The following SERPINB8 variants were observed in gnomAD, a reference collection of about 807,000 sequenced individuals.
The protein encoded by SERPINB8 is serpin B8.
In SERPINB8, 25 loss-of-function variants were observed where a neutral mutation model predicts 35.3. The observed-to-expected ratio is 0.71, with a 90% CI of 0.52 to 0.99. The LOEUF (loss-of-function observed/expected upper bound fraction) is 0.99. Ranked by LOEUF, SERPINB8 falls within the 50% of genes least tolerant of loss-of-function variation. SERPINB8 has a pLI of 0.00. For missense variants in SERPINB8, 484 were observed against 446.5 expected (o/e 1.08, Z -0.76); for synonymous variants, 186 against 160.8 (o/e 1.16, Z -1.19).
At chr18:63,973,449 T>C (rs2050526352) in intron 1 of SERPINB8, among the ~76,000 whole-genome samples, 2 of 152,172 alleles carry the variant, frequency 1.3e-5, no homozygotes, top group South Asian at 4.1e-4. Context: ...GTTGCCTGTT[T>C]ACTCTGATGG....
chr18:64,007,867 A>G (rs2050907631), downstream of SERPINB8, among the ~76,000 whole-genome samples: 3 of 152,198 alleles, frequency 2.0e-5, no homozygotes, highest in Admixed American at 6.5e-5. Context: ...TTGGGCGGGA[A>G]CACAGACCCA....
At position 63,987,163 on chromosome 18, in the gene SERPINB8, A is replaced by T; in HGVS notation, c.1010A>T (p.Asn337Ile). ...GCCGCAGCCACTGCTGTGGTCAGGA[A>T]TTCCCGGTGCAGCAGAATGGAGCCA... ...EAAAATAVVR[N>I]SRCSRMEPRF... Residue 337 changes from asparagine (N) to isoleucine (I), a missense_variant, in exon 7 of 7, where the codon AAT becomes ATT. Transcript: ENST00000397985. 6.2e-7 allele frequency: 1 copy of T among 1,614,194 alleles called. No homozygotes were observed. The highest frequency in any genetic ancestry group is 8.5e-7 in the Non-Finnish European group (1 of 1,180,034).
At chr18:64,018,331 C>A (rs1176572629) in intron 7 of SERPINB8, among the ~76,000 whole-genome samples, 2 of 152,116 alleles carry the variant, frequency 1.3e-5, no homozygotes, top group African/African-American at 4.8e-5. Context: ...TCTCTTGGTG[C>A]TTTGAATGGA....
At chr18:63,976,908 A>AT (rs745947504) in intron 1 of SERPINB8, among the ~76,000 whole-genome samples, 2,923 of 144,436 alleles carry the variant, frequency 0.02, 45 homozygotes, top group Non-Finnish European at 0.03. Flanking sequence ...TTAAAAAGTA[A>AT]TTTTTTTTTT....
At chr18:63,983,436 C>T (rs1315651778) in intron 4 of SERPINB8, 143 bp from the exon 5 acceptor site, 3 of 716,696 alleles carry the variant, frequency 4.2e-6, no homozygotes, top group African/African-American at 3.5e-5. Context: ...TGCTAAACAC[C>T]ATCGCCTAAT....
chr18:64,014,525 T>A (rs1568083887), intron 7 of SERPINB8, among the ~76,000 whole-genome samples: 1 of 151,756 alleles, frequency 6.6e-6, no homozygotes, highest in Non-Finnish European at 1.5e-5. Flanking sequence ...GAAGAGAGAG[T>A]GTGGGCTGAG....
At chr18:64,005,612 G>A (rs972922415) in exon 2 of SERPINB8, 1 of 152,150 alleles carries the variant, frequency 6.6e-6, no homozygotes, top group Non-Finnish European at 1.5e-5. Context: ...CTTTGATTTT[G>A]GACTTCCCAG....
chr18:64,009,900 T>C (rs2050918041), downstream of SERPINB8, among the ~76,000 whole-genome samples: 1 of 152,084 alleles, frequency 6.6e-6, no homozygotes. Context: ...CATATATTTG[T>C]GACAAAACAA....
chr18:63,987,032 C>T lies in SERPINB8; in HGVS notation c.879C>T (p.Asp293=), dbSNP rs146637081. The T allele has an allele frequency of 2.4e-5, 39 of 1,614,040 alleles. No individual in the cohort carries two copies. The highest frequency in any genetic ancestry group is 1.1e-4 in the South Asian group (10 of 91,092). ...LRRLGMIDAF[D]EAKADFSGMS... is the part of the protein sequence containing the mutation. ...GATTAGGAATGATCGATGCTTTTGA[C>T]GAAGCCAAGGCAGACTTTTCTGGAA... The change falls in exon 7 of 7, where the codon GAC becomes GAT. Residue 293 remains aspartate (D), a synonymous_variant. Transcript: ENST00000397985.
intron 4 of SERPINB8, 37 bp downstream of exon 4, chr18:63,981,875 A>C (rs775928629): frequency 1.4e-6 from 2 of 1,448,586 alleles, no homozygotes; most frequent in Admixed American, 3.4e-5. Flanking sequence ...TGGAATTACT[A>C]TACAACGAGG....
rs2050803635 is a variant in SERPINB8, at chr18:63,989,117, T to TAA, written c.*1841_*1842dup. The TAA allele has an allele frequency of 6.6e-6, 1 of 152,254 alleles. No individual in the cohort carries two copies. Among genetic ancestry groups the TAA allele is most frequent in the African/African-American group, 2.4e-5 (1 of 41,468 alleles). The allele number at this position is 152,254 out of a possible 1,614,324, so 9.4% of individuals were successfully genotyped here. A position where few individuals can be genotyped will look rare whatever the true frequency, so the allele number is the denominator to read the frequency against. On this transcript the variant is annotated 3_prime_UTR_variant, in exon 7 of 7. Transcript: ENST00000397985. ...GTCACTATAGATTAATTTGCATTTTTAAAGAAATTTACATACATGGAACCA... is the reference window on the plus strand; with the variant it reads ...GTCACTATAGATTAATTTGCATTTTTAAAAAGAAATTTACATACATGGAACCA...
At chr18:64,002,751 C>G (rs1189088860) in intron 1 of SERPINB8, among the ~76,000 whole-genome samples, 1 of 152,218 alleles carries the variant, frequency 6.6e-6, no homozygotes, top group Admixed American at 6.5e-5. Context: ...CCGGGTCCCC[C>G]ACGCGGCCCC....
chr18:63,981,916 G>A, intron 4 of SERPINB8, 78 bp downstream of exon 4: 5 of 1,001,200 alleles, frequency 5.0e-6, no homozygotes, highest in South Asian at 1.4e-5. Flanking sequence ...ACTTCCCAGG[G>A]TGTTGCCACT....
At chr18:64,000,377 G>A (rs1012617486) in intron 1 of SERPINB8, among the ~76,000 whole-genome samples, 8 of 152,128 alleles carry the variant, frequency 5.3e-5, no homozygotes, top group Admixed American at 5.2e-4. Flanking sequence ...TTCTTTCAAG[G>A]ATCCTGAAAA....
At chr18:63,976,527 A>T (rs1360356908) in intron 1 of SERPINB8, among the ~76,000 whole-genome samples, 1 of 152,224 alleles carries the variant, frequency 6.6e-6, no homozygotes, top group African/African-American at 2.4e-5. Context: ...CTGTCCTGGG[A>T]TGTAAAACTA....
intron 7 of SERPINB8, among the ~76,000 whole-genome samples, chr18:64,012,048 C>G (rs190400293): frequency 2.0e-5 from 3 of 152,168 alleles, no homozygotes; most frequent in Admixed American, 2.0e-4. Flanking sequence ...GAAAAATGAG[C>G]ATATATGACC....
At chr18:63,983,872 G>C in intron 5 of SERPINB8, 151 bp downstream of exon 5, 1 of 606,508 alleles carries the variant, frequency 1.6e-6, no homozygotes, top group Non-Finnish European at 2.6e-6. Context: ...TTTGAGACAG[G>C]GTCTCTTTTT....
At chr18:63,970,407 C>T (rs1034145060) in intron 1 of SERPINB8, 2 of 162,494 alleles carry the variant, frequency 1.2e-5, no homozygotes, top group Non-Finnish European at 2.7e-5. Flanking sequence ...AGCCCCACCG[C>T]GAGACCCGGC....
chr18:63,982,200 C>A (rs542414273), intron 4 of SERPINB8, among the ~76,000 whole-genome samples: 1 of 152,130 alleles, frequency 6.6e-6, no homozygotes, highest in Non-Finnish European at 1.5e-5. Flanking sequence ...ATTTCATGCT[C>A]TCATGTTATC....
Sources: allele counts gnomAD v4.1 joint callset (sites outside exome capture counted in the v4.1 genomes callset), GRCh38; gene constraint gnomAD v4.1.1; transcripts MANE v1.5; gene names NCBI Gene and HGNC (gene_info 2026-07-23, HGNC 2026-07-21).